The following PSD3 variants were observed in gnomAD, a reference collection of about 807,000 sequenced individuals.
PSD3 encodes PH and SEC7 domain-containing protein 3.
A neutral mutation model predicts 105.5 loss-of-function variants in PSD3; 49 were observed. That is an observed-to-expected ratio of 0.46 (90% CI 0.37 to 0.59). PSD3 has a LOEUF of 0.59. Ranked by LOEUF, PSD3 falls within the 20% of genes least tolerant of loss-of-function variation. The probability of loss-of-function intolerance (pLI) is 0.00; values close to 1 mark genes in which losing one functional copy is unlikely to be tolerated. For missense variants in PSD3, 1,561 were observed against 1,263.8 expected, an observed-to-expected ratio of 1.24 and a Z score of -3.57; for synonymous variants, 557 against 457.8, an observed-to-expected ratio of 1.22 and a Z score of -2.77.
chr8:19,026,718 A>AT (rs1352244844), intron 1 of PSD3, among the ~76,000 whole-genome samples: 6 of 147,546 alleles, frequency 4.1e-5, no homozygotes, highest in Non-Finnish European at 8.9e-5. Context: ...AAAAAAAAAA[A>AT]AAAAAATGCC....
intron 11 of PSD3, among the ~76,000 whole-genome samples, chr8:18,626,845 C>T (rs571160948): frequency 6.6e-6 from 1 of 152,216 alleles, no homozygotes; most frequent in Admixed American, 6.5e-5. Flanking sequence ...GAAACGAAAG[C>T]TTTTCTACAT....
At position 18,971,329 on chromosome 8, in the gene PSD3, G is replaced by A. The variant is rs369224767; in HGVS notation, c.22-35187C>T. 3.3e-5 allele frequency among the ~76,000 whole-genome samples: 5 copies of A among 152,264 alleles called. No homozygotes were observed. In the East Asian group the frequency reaches 5.8e-4, roughly 18 times the overall value. On this transcript the variant is annotated intron_variant, in intron 1 of 15. Transcript: ENST00000327040. ...GGTCCTGCCACACCACAGGCTGACC[G>A]AGTCACTGCAGCCACCACGGCCTCC...
At position 18,808,603 on chromosome 8, in the gene PSD3, A is replaced by C. The variant is rs1436769382; in HGVS notation, c.1635-3705T>G. 5.6e-6 allele frequency: 6 copies of C among 1,071,106 alleles called. No individual in the cohort carries two copies. The African/African-American group carries it at 8.1e-5, about 14-fold the overall frequency. 66.4% of individuals were successfully genotyped at this position (1,071,106 alleles called of 1,614,324 possible). A position where few individuals can be genotyped will look rare whatever the true frequency, so the allele number is the denominator to read the frequency against. ...TCTGGATCTTCTTCAAAAAGGTTTCAGTAAAAGGAGAAAATAAAGCACAAA... is the reference window on the plus strand; with the variant it reads ...TCTGGATCTTCTTCAAAAAGGTTTCCGTAAAAGGAGAAAATAAAGCACAAA... On this transcript the variant is annotated intron_variant, in intron 4 of 15. Transcript: ENST00000327040.
chr8:18,810,851 G>C (rs1014199941), intron 4 of PSD3, among the ~76,000 whole-genome samples: 1 of 152,162 alleles, frequency 6.6e-6, no homozygotes, highest in Non-Finnish European at 1.5e-5. Context: ...CAGAAGACTG[G>C]AACCAACAGA....
At chr8:18,856,423 G>A (rs1330516317) in intron 4 of PSD3, among the ~76,000 whole-genome samples, 1 of 152,172 alleles carries the variant, frequency 6.6e-6, no homozygotes, top group East Asian at 1.9e-4. Flanking sequence ...CCAAAACGTA[G>A]AACTTGAGAA....
chr8:18,837,675 C>T (rs1814226037), intron 4 of PSD3, among the ~76,000 whole-genome samples: 1 of 152,136 alleles, frequency 6.6e-6, no homozygotes, highest in Non-Finnish European at 1.5e-5. Flanking sequence ...CATGGTGGCT[C>T]CGTCTGTAAT....
chr8:18,962,137 T>G (rs1026677047), intron 1 of PSD3, among the ~76,000 whole-genome samples: 1 of 151,888 alleles, frequency 6.6e-6, no homozygotes, highest in East Asian at 1.9e-4. Context: ...TCCCAGCTAC[T>G]TGGGAGGCTG....
At chr8:18,616,461 C>A (rs762587667) in intron 11 of PSD3, among the ~76,000 whole-genome samples, 35 of 152,062 alleles carry the variant, frequency 2.3e-4, no homozygotes, top group Non-Finnish European at 4.4e-4. Flanking sequence ...TCGTCTGGAT[C>A]TAGGAAAGAT....
At chr8:18,935,977 T>G in intron 2 of PSD3, 57 bp downstream of exon 2, 3 of 1,152,176 alleles carry the variant, frequency 2.6e-6, no homozygotes, top group Non-Finnish European at 3.8e-6. Flanking sequence ...AAAATCACTT[T>G]GAAATCACAG....
At chr8:18,954,491 A>T (rs895152726) in intron 1 of PSD3, among the ~76,000 whole-genome samples, 1 of 152,214 alleles carries the variant, frequency 6.6e-6, no homozygotes, top group Non-Finnish European at 1.5e-5. Context: ...ATTTTCTCAT[A>T]AAGATGACCA....
intron 1 of PSD3, among the ~76,000 whole-genome samples, chr8:18,961,836 G>T (rs908224251): frequency 1.3e-5 from 2 of 151,970 alleles, no homozygotes; most frequent in African/African-American, 4.8e-5. Flanking sequence ...CTAAATCCTG[G>T]CCAAAAGTAT....
intron 10 of PSD3, among the ~76,000 whole-genome samples, chr8:18,644,691 T>C (rs1807899592): frequency 6.6e-6 from 1 of 152,186 alleles, no homozygotes; most frequent in Admixed American, 6.5e-5. Context: ...TTTTCTAGCA[T>C]TCACTTCATA....
At chr8:19,079,109 G>C (rs372159913) in intron 1 of PSD3, among the ~76,000 whole-genome samples, 4 of 152,188 alleles carry the variant, frequency 2.6e-5, no homozygotes, top group South Asian at 4.1e-4. Context: ...CAGGACTCCT[G>C]TGTGTGAATG....
At chr8:18,826,415 G>A (rs927495797) in intron 4 of PSD3, among the ~76,000 whole-genome samples, 1 of 152,180 alleles carries the variant, frequency 6.6e-6, no homozygotes, top group Non-Finnish European at 1.5e-5. Context: ...AAAGAGAATT[G>A]TATCAGTAGC....
chr8:18,631,914 C>A (rs1806927666), intron 11 of PSD3, among the ~76,000 whole-genome samples: 6 of 152,004 alleles, frequency 3.9e-5, no homozygotes, highest in Admixed American at 3.9e-4. Flanking sequence ...GTCACCTTAT[C>A]TTACTCTGTT....
intron 2 of PSD3, among the ~76,000 whole-genome samples, chr8:18,905,156 T>C (rs996613478): frequency 2.6e-4 from 39 of 152,174 alleles, no homozygotes; most frequent in African/African-American, 8.9e-4. Flanking sequence ...TACAAAAAGC[T>C]GCCTCTCCAT....
In PSD3 at chr8:18,871,634, G is replaced by A. The variant is rs1817351844; in HGVS notation, c.1230C>T (p.Asp410=). The stretch of plus-strand genomic sequence containing the variant: ...CTACTATGGGAGCTCACCTTTCCCT[G>A]TCTCTCTCTGGTTTAGGTGTCTTCT... ...HLEKTPKPER[D]RERISEQEEH... Residue 410 remains aspartate (D), a synonymous_variant, in exon 3 of 16, where the codon GAC becomes GAT. Transcript: ENST00000327040. 1 of 1,601,664 alleles carries A rather than the reference G, an allele frequency of 6.2e-7. No individual in the cohort carries two copies. Among genetic ancestry groups the A allele is most frequent in the Admixed American group, 1.7e-5 (1 of 58,656 alleles).
Position 19,013,544 on chromosome 8 carries a change from C to T in PSD3, c.21+19G>A, listed in dbSNP as rs1827053613. 2 of 1,571,560 alleles carry T rather than the reference C, an allele frequency of 1.3e-6. No homozygotes were observed. The highest frequency in any genetic ancestry group is 8.6e-7 in the Non-Finnish European group (1 of 1,167,266). On this transcript the variant is annotated intron_variant, in intron 1 of 15. Coordinates refer to ENST00000327040, the MANE Select transcript of PSD3 (RefSeq NM_015310.4). ...GCCGCGTGCGCACCCCGCGCCCGCGCCCCGGCCCCGGAGCTCACCGCTGCG... is the reference window on the plus strand; with the variant it reads ...GCCGCGTGCGCACCCCGCGCCCGCGTCCCGGCCCCGGAGCTCACCGCTGCG...
At chr8:18,631,718 A>G (rs1806909024) in intron 11 of PSD3, among the ~76,000 whole-genome samples, 1 of 151,972 alleles carries the variant, frequency 6.6e-6, no homozygotes, top group Non-Finnish European at 1.5e-5. Context: ...GCACTCTTAA[A>G]GAACTTGGGA....
Sources: gnomAD v4.1 joint callset for allele counts (sites outside exome capture counted in the v4.1 genomes callset) on GRCh38, gnomAD v4.1.1 for gene constraint, MANE v1.5 for transcripts, NCBI Gene and HGNC (gene_info 2026-07-23, HGNC 2026-07-21) for gene names.